The following WDR72 variants were observed in gnomAD, a reference collection of about 807,000 sequenced individuals.
WDR72 encodes the protein WD repeat domain 72, also known as WD repeat-containing protein 72.
A neutral mutation model predicts 124.2 loss-of-function variants in WDR72; 120 were observed. That is an observed-to-expected ratio of 0.97 (90% CI 0.83 to 1.12). The LOEUF (loss-of-function observed/expected upper bound fraction) is 1.12, where lower values mean the gene tolerates loss of function less well. Ranked by LOEUF, WDR72 falls within the 50% of genes most tolerant of loss-of-function variation. The pLI is 0.00. For missense variants in WDR72, 1,387 were observed against 1,278.8 expected (o/e 1.08, Z -1.29); for synonymous variants, 452 against 441.7 (o/e 1.02, Z -0.29).
intron 14 of WDR72, among the ~76,000 whole-genome samples, chr15:53,637,327 G>A (rs16966341): frequency 0.049 from 7,398 of 152,072 alleles, 616 homozygotes; most frequent in African/African-American, 0.17. Flanking sequence ...CTCTCCTTCC[G>A]CATCTTCATC....
At chr15:53,571,012 T>C (rs1194199474) in intron 18 of WDR72, among the ~76,000 whole-genome samples, 1 of 152,084 alleles carries the variant, frequency 6.6e-6, no homozygotes, top group Non-Finnish European at 1.5e-5. Flanking sequence ...CACTTATAAA[T>C]GGAGCCAAAT....
chr15:53,605,518 C>T (rs1176629604), intron 17 of WDR72, among the ~76,000 whole-genome samples: 3 of 152,178 alleles, frequency 2.0e-5, no homozygotes, highest in Non-Finnish European at 4.4e-5. Context: ...TAAAATCAAG[C>T]TAACATAATT....
intron 18 of WDR72, among the ~76,000 whole-genome samples, chr15:53,554,013 C>T (rs993144365): frequency 6.6e-6 from 1 of 152,010 alleles, no homozygotes; most frequent in African/African-American, 2.4e-5. Flanking sequence ...TGATAAATAT[C>T]CTATAATATG....
chr15:53,625,073 C>A (rs1288992812), intron 14 of WDR72, among the ~76,000 whole-genome samples: 1 of 152,054 alleles, frequency 6.6e-6, no homozygotes, highest in Non-Finnish European at 1.5e-5. Context: ...AGCAAAAATA[C>A]AAATATAATT....
intron 13 of WDR72, among the ~76,000 whole-genome samples, chr15:53,694,048 C>A (rs1489659507): frequency 2.6e-5 from 4 of 152,170 alleles, no homozygotes; most frequent in African/African-American, 9.7e-5. Context: ...GTCCCCTAAA[C>A]CCAAGCCCCA....
At chr15:53,593,915 T>G (rs1188890014) in intron 18 of WDR72, among the ~76,000 whole-genome samples, 4 of 152,088 alleles carry the variant, frequency 2.6e-5, no homozygotes, top group African/African-American at 9.6e-5. Context: ...GCTAGTATGA[T>G]GGGAATCTCT....
At chr15:53,633,568 CA>C (rs2014512218) in intron 14 of WDR72, among the ~76,000 whole-genome samples, 1 of 151,984 alleles carries the variant, frequency 6.6e-6, no homozygotes, top group Admixed American at 6.6e-5. Flanking sequence ...AATAGCACCA[CA>C]AAAAAGAAAA....
At chr15:53,663,261 T>C (rs2015668075) in intron 14 of WDR72, among the ~76,000 whole-genome samples, 3 of 151,922 alleles carry the variant, frequency 2.0e-5, no homozygotes, top group African/African-American at 7.3e-5. Flanking sequence ...AGCACTAAAT[T>C]CAATAATAAG....
chr15:53,541,663 GAGA>G (rs1415457353), intron 18 of WDR72, among the ~76,000 whole-genome samples: 37 of 151,376 alleles, frequency 2.4e-4, no homozygotes, highest in African/African-American at 8.5e-4. Flanking sequence ...GACGAGCTGA[GAGA>G]AGAAGGCTTC....
intron 2 of WDR72, among the ~76,000 whole-genome samples, 197 bp downstream of exon 2, chr15:53,732,800 T>C (rs1191501963): frequency 6.6e-6 from 1 of 152,216 alleles, no homozygotes; most frequent in East Asian, 1.9e-4. Flanking sequence ...ATATTCATAA[T>C]ATAATTTTCA....
intron 13 of WDR72, among the ~76,000 whole-genome samples, chr15:53,688,596 C>T (rs2016727588): frequency 6.6e-6 from 1 of 152,168 alleles, no homozygotes; most frequent in Non-Finnish European, 1.5e-5. Flanking sequence ...ATTCCATGCT[C>T]ATGGGTAGGA....
intron 14 of WDR72, among the ~76,000 whole-genome samples, chr15:53,638,555 T>C (rs1290907910): frequency 1.3e-5 from 2 of 151,098 alleles, no homozygotes; most frequent in African/African-American, 2.4e-5. Context: ...GTAATCAAGA[T>C]TTTATATTTT....
chr15:53,655,606 G>T (rs1235084260), intron 14 of WDR72, among the ~76,000 whole-genome samples: 1 of 152,168 alleles, frequency 6.6e-6, no homozygotes, highest in Non-Finnish European at 1.5e-5. Context: ...TCTGCTACCA[G>T]AGAATCAATG....
At chr15:53,706,100 A>G in intron 9 of WDR72, 26 bp from the exon 10 acceptor site, 1 of 1,613,272 alleles carries the variant, frequency 6.2e-7, no homozygotes, top group Non-Finnish European at 8.5e-7. Context: ...GCTTTTATGT[A>G]GGAAATATTC....
intron 14 of WDR72, among the ~76,000 whole-genome samples, chr15:53,627,950 C>T (rs1410562320): frequency 6.6e-6 from 1 of 152,138 alleles, no homozygotes; most frequent in Non-Finnish European, 1.5e-5. Context: ...TCAGATTAAT[C>T]TATGCTCTCC....
intron 13 of WDR72, among the ~76,000 whole-genome samples, chr15:53,685,752 A>G (rs1164499572): frequency 6.6e-6 from 1 of 150,794 alleles, no homozygotes; most frequent in East Asian, 2.0e-4. Flanking sequence ...TCCAAGACAC[A>G]TAATTGTCAG....
rs964387807 is a variant in WDR72, at chr15:53,687,389, A to C, written c.1765+12361T>G. 5.0e-4 allele frequency among the ~76,000 whole-genome samples: 75 copies of C among 150,188 alleles called. 2 individuals are homozygous for C. Among genetic ancestry groups the C allele is most frequent in the African/African-American group, 1.8e-3 (74 of 40,798 alleles). ...AAATGATAAAGGGGATATCACCACC[A>C]ATCCCACAGAAATACAAACTACCAT... On this transcript the variant is annotated intron_variant, in intron 13 of 19. Transcript: ENST00000360509.
At chr15:53,682,621 A>C (rs1437805831) in intron 13 of WDR72, among the ~76,000 whole-genome samples, 1 of 152,076 alleles carries the variant, frequency 6.6e-6, no homozygotes, top group Non-Finnish European at 1.5e-5. Flanking sequence ...GATACCCTAA[A>C]TCATCTCTCT....
At chr15:53,528,014 TAGA>T (rs1892223353) in intron 18 of WDR72, among the ~76,000 whole-genome samples, 1 of 152,016 alleles carries the variant, frequency 6.6e-6, no homozygotes, top group African/African-American at 2.4e-5. Flanking sequence ...AAAATTCAGG[TAGA>T]AGAAAATATT....
Sources: allele counts gnomAD v4.1 joint callset (sites outside exome capture counted in the v4.1 genomes callset), GRCh38; gene constraint gnomAD v4.1.1; transcripts MANE v1.5; gene names NCBI Gene and HGNC (gene_info 2026-07-23, HGNC 2026-07-21).